Variants in TAFA1 observed in about 807,000 individuals in gnomAD.
TAFA1 encodes chemokine-like protein TAFA-1.
A neutral mutation model predicts 18.5 loss-of-function variants in TAFA1; 4 were observed. The observed-to-expected ratio is 0.22, with a 90% CI of 0.11 to 0.49. The LOEUF is 0.49. Among genes scored for constraint, TAFA1 ranks in the 20% least tolerant of loss-of-function variants. TAFA1 has a pLI of 0.98. For synonymous variants in TAFA1, 56 were observed against 55.2 expected (o/e 1.01, Z -0.06); for missense variants, 147 against 169.0 (o/e 0.87, Z 0.72).
intron 2 of TAFA1, among the ~76,000 whole-genome samples, chr3:68,415,573 A>G (rs2070815717): frequency 6.6e-6 from 1 of 152,130 alleles, no homozygotes; most frequent in Admixed American, 6.5e-5. Context: ...AAAATATGTT[A>G]TTTATATCTT....
At chr3:68,039,588 G>A (rs1307103954) in intron 2 of TAFA1, among the ~76,000 whole-genome samples, 1 of 152,080 alleles carries the variant, frequency 6.6e-6, no homozygotes, top group Non-Finnish European at 1.5e-5. Context: ...TCATCTTATA[G>A]ATCTCCTATG....
chr3:68,201,952 T>A lies in TAFA1; in HGVS notation c.118+195208T>A, dbSNP rs749178902. 1.5e-3 allele frequency among the ~76,000 whole-genome samples: 230 copies of A among 151,716 alleles called. 1 individual carries two copies. The highest frequency in any genetic ancestry group is 2.6e-3 in the Non-Finnish European group (174 of 67,726). ...AGGCATCCTGGCTCTGTAAACCCACTCTTATGGGAAATCATTCATTCCTGT... is the reference window on the plus strand; with the variant it reads ...AGGCATCCTGGCTCTGTAAACCCACACTTATGGGAAATCATTCATTCCTGT... On this transcript the variant is annotated intron_variant, in intron 2 of 4. Transcript: ENST00000478136.
chr3:68,532,431 G>C (rs180767645), intron 3 of TAFA1, among the ~76,000 whole-genome samples: 1 of 151,724 alleles, frequency 6.6e-6, no homozygotes, highest in Non-Finnish European at 1.5e-5. Flanking sequence ...TCTTTTTTTC[G>C]GAGGGGGGAT....
rs1048692866 is a variant in TAFA1 at position 68,230,106 on chromosome 3, C to A, written c.119-187174C>A. Among the ~76,000 whole-genome samples, 11 of 152,160 alleles carry A rather than the reference C, an allele frequency of 7.2e-5. No homozygotes were observed. The East Asian group carries it at 1.4e-3, about 19-fold the overall frequency. On this transcript the variant is annotated intron_variant, in intron 2 of 4. Coordinates refer to ENST00000478136, the MANE Select transcript of TAFA1 (RefSeq NM_213609.4). ...CCATCACCTCAAACATTTTTGATTT[C>A]TTTGTGTTAGGAACATTCCAATTCT...
chr3:68,484,879 T>C (rs1877000), intron 3 of TAFA1, among the ~76,000 whole-genome samples: 63,273 of 152,076 alleles, frequency 0.42, 13,764 homozygotes, highest in Non-Finnish European at 0.47. Context: ...ATAGAAACTT[T>C]AAATAAATTG....
chr3:68,310,583 A>T (rs2068498160), intron 2 of TAFA1, among the ~76,000 whole-genome samples: 3 of 152,212 alleles, frequency 2.0e-5, no homozygotes, highest in Non-Finnish European at 2.9e-5. Flanking sequence ...ATTATAATTC[A>T]TATAAACACT....
At chr3:68,304,003 T>A (rs758460497) in intron 2 of TAFA1, among the ~76,000 whole-genome samples, 21 of 152,068 alleles carry the variant, frequency 1.4e-4, no homozygotes, top group Non-Finnish European at 3.1e-4. Flanking sequence ...ATTACATTAG[T>A]GGAAATTGAA....
rs552740842 is a variant in TAFA1 at position 68,475,295 on chromosome 3, G to A, written c.259+57875G>A. ...TTTAGCATTAGGTATATCTCCTAAT[G>A]CTATCCCTCCCCCATCCCCCCACCC... On this transcript the variant is annotated intron_variant, in intron 3 of 4. Coordinates refer to ENST00000478136, the MANE Select transcript of TAFA1 (RefSeq NM_213609.4). Among the ~76,000 whole-genome samples the A allele has an allele frequency of 3.4e-3, 520 of 151,978 alleles. 4 individuals carry two copies. Among genetic ancestry groups the A allele is most frequent in the African/African-American group, 0.012 (480 of 41,430 alleles).
chr3:68,009,098 T>A (rs1308821275), intron 2 of TAFA1, among the ~76,000 whole-genome samples: 5 of 152,240 alleles, frequency 3.3e-5, no homozygotes, highest in African/African-American at 1.2e-4. Context: ...CAGCTAATAA[T>A]CCACATAGCC....
chr3:68,168,144 C>CCAAAA (rs1553647736), intron 2 of TAFA1, among the ~76,000 whole-genome samples: 3 of 116,482 alleles, frequency 2.6e-5, no homozygotes, highest in Admixed American at 1.9e-4. Flanking sequence ...TTTTCAGATA[C>CCAAAA]AAAAAAAAAA....
intron 2 of TAFA1, among the ~76,000 whole-genome samples, chr3:68,250,583 C>T (rs2067176169): frequency 6.6e-6 from 1 of 152,034 alleles, no homozygotes; most frequent in Admixed American, 6.6e-5. Context: ...AGCTCTTTCC[C>T]CAAAATCTTG....
chr3:68,413,828 C>G (rs1245016206), intron 2 of TAFA1, among the ~76,000 whole-genome samples: 1 of 152,062 alleles, frequency 6.6e-6, no homozygotes, highest in African/African-American at 2.4e-5. Context: ...GTAGACAGGT[C>G]AAGTGTGCCT....
chr3:68,455,676 A>G (rs1031409169), intron 3 of TAFA1, among the ~76,000 whole-genome samples: 1 of 151,898 alleles, frequency 6.6e-6, no homozygotes, highest in Non-Finnish European at 1.5e-5. Flanking sequence ...TGCCATATAC[A>G]TGATCATTTT....
At chr3:68,239,016 A>T (rs982312426) in intron 2 of TAFA1, among the ~76,000 whole-genome samples, 2 of 152,170 alleles carry the variant, frequency 1.3e-5, no homozygotes, top group African/African-American at 4.8e-5. Flanking sequence ...GCATTCCCAG[A>T]TGGAAATACT....
At chr3:68,205,384 A>C (rs2107051808) in intron 2 of TAFA1, among the ~76,000 whole-genome samples, 1 of 151,992 alleles carries the variant, frequency 6.6e-6, no homozygotes, top group South Asian at 2.1e-4. Context: ...ATGAAGAAGA[A>C]AATGACTACG....
At chr3:68,064,808 A>C (rs988290129) in intron 2 of TAFA1, among the ~76,000 whole-genome samples, 1 of 151,924 alleles carries the variant, frequency 6.6e-6, no homozygotes, top group Non-Finnish European at 1.5e-5. Context: ...TTGTGTTGTA[A>C]ATTTAATAAG....
intron 2 of TAFA1, among the ~76,000 whole-genome samples, chr3:68,118,150 A>G (rs554317227): frequency 2.8e-4 from 42 of 152,322 alleles, no homozygotes; most frequent in African/African-American, 8.2e-4. Context: ...ACAACTCACC[A>G]TAATGTAGAA....
At chr3:68,457,491 A>G (rs997301189) in intron 3 of TAFA1, among the ~76,000 whole-genome samples, 2 of 152,164 alleles carry the variant, frequency 1.3e-5, no homozygotes, top group African/African-American at 4.8e-5. Context: ...ATTTATTTTT[A>G]AAAACCTACA....
At chr3:68,439,441 A>ATATATATG (rs1368084224) in intron 3 of TAFA1, among the ~76,000 whole-genome samples, 2 of 128,712 alleles carry the variant, frequency 1.6e-5, no homozygotes, top group Non-Finnish European at 3.4e-5. Context: ...ATATATATAT[A>ATATATATG]TATGAGTTTA....
Sources: allele counts gnomAD v4.1 joint callset (sites outside exome capture counted in the v4.1 genomes callset), GRCh38; gene constraint gnomAD v4.1.1; transcripts MANE v1.5; gene names NCBI Gene and HGNC (gene_info 2026-07-23, HGNC 2026-07-21).